The following AP3D1 variants were observed in gnomAD, a reference collection of about 807,000 sequenced individuals.
AP3D1 encodes the protein adaptor related protein complex 3 subunit delta 1.
In AP3D1, 51 loss-of-function variants were observed where a neutral mutation model predicts 147.6. That is an observed-to-expected ratio of 0.35 (90% CI 0.28 to 0.44). The LOEUF (loss-of-function observed/expected upper bound fraction) is 0.44, where lower values mean the gene tolerates loss of function less well. Ranked by LOEUF, AP3D1 falls within the 20% of genes least tolerant of loss-of-function variation. AP3D1 has a pLI of 1.00. For missense variants in AP3D1, 1,421 were observed against 1,624.2 expected, an observed-to-expected ratio of 0.87 and a Z score of 2.15; for synonymous variants, 760 against 663.0, an observed-to-expected ratio of 1.15 and a Z score of -2.25.
chr19:2,124,007 G>T, intron 9 of AP3D1, 128 bp from the exon 10 acceptor site: 1 of 1,077,842 alleles, frequency 9.3e-7, no homozygotes, highest in South Asian at 1.4e-5. Flanking sequence ...AAATGCCACT[G>T]AGTTTGGGAC....
At position 2,115,204 on chromosome 19, in the gene AP3D1, T is replaced by C. The variant is rs2145040013; in HGVS notation, c.2349+15A>G. Reference sequence around the variant, plus strand: ...AGATAGACATCCTAGGACCGGGACCTCCAGCGAGGCTGACCTCAGGCATCT... The same window carrying C: ...AGATAGACATCCTAGGACCGGGACCCCCAGCGAGGCTGACCTCAGGCATCT... On this transcript the variant is annotated intron_variant, in intron 20 of 31. Coordinates refer to ENST00000643116, the MANE Select transcript of AP3D1 (RefSeq NM_001261826.3). The C allele has an allele frequency of 6.2e-7, 1 of 1,609,062 alleles. No individual in the cohort carries two copies. Among genetic ancestry groups the C allele is most frequent in the Non-Finnish European group, 8.5e-7 (1 of 1,177,114 alleles).
At chr19:2,138,408 G>A (rs1430288780) in intron 2 of AP3D1, among the ~76,000 whole-genome samples, 2 of 152,232 alleles carry the variant, frequency 1.3e-5, no homozygotes, top group Non-Finnish European at 1.5e-5. Context: ...TACCACCAGG[G>A]CCTGTGGGTT....
chr19:2,149,992 A>G (rs1327577857), intron 1 of AP3D1, among the ~76,000 whole-genome samples: 1 of 152,210 alleles, frequency 6.6e-6, no homozygotes, highest in Non-Finnish European at 1.5e-5. Context: ...GAAGAAAACC[A>G]AGGAGGCCGA....
chr19:2,117,153 CTGTG>C, intron 16 of AP3D1, 65 bp downstream of exon 16: 1 of 1,508,890 alleles, frequency 6.6e-7, no homozygotes, highest in Admixed American at 2.2e-5. Flanking sequence ...GGAGCCCCCG[CTGTG>C]CCACCAGGCA....
chr19:2,118,552 C>T (rs1185200061), intron 15 of AP3D1, 49 bp downstream of exon 15: 1 of 1,555,024 alleles, frequency 6.4e-7, no homozygotes, highest in Non-Finnish European at 8.7e-7. Context: ...GACAGAAAGG[C>T]ACTGAGGGCT....
intron 31 of AP3D1, among the ~76,000 whole-genome samples, chr19:2,104,490 A>G (rs528599655): frequency 2.0e-5 from 3 of 148,774 alleles, no homozygotes; most frequent in East Asian, 2.0e-4. Flanking sequence ...AGACCCCAAC[A>G]CCAAGACACC....
At chr19:2,126,121 C>T (rs2018748261) in intron 9 of AP3D1, among the ~76,000 whole-genome samples, 1 of 149,350 alleles carries the variant, frequency 6.7e-6, no homozygotes, top group Admixed American at 6.6e-5. Flanking sequence ...CGGGGTCTCA[C>T]TCTGTCTGCA....
chr19:2,159,394 G>GA (rs1026163108), intron 1 of AP3D1, among the ~76,000 whole-genome samples: 4 of 123,182 alleles, frequency 3.2e-5, no homozygotes, highest in Non-Finnish European at 7.1e-5. Context: ...AATTTTTTTT[G>GA]TTTTTTTTTT....
At chr19:2,132,243 T>C (rs1055776885) in intron 5 of AP3D1, among the ~76,000 whole-genome samples, 1 of 152,208 alleles carries the variant, frequency 6.6e-6, no homozygotes, top group Admixed American at 6.5e-5. Flanking sequence ...GACACCCTGT[T>C]GCTCCTCTCG....
chr19:2,157,315 G>A (rs1192296191), intron 1 of AP3D1, among the ~76,000 whole-genome samples: 4 of 150,134 alleles, frequency 2.7e-5, no homozygotes, highest in Admixed American at 6.6e-5. Flanking sequence ...AGTGGCGGGC[G>A]CCTGTAGTCC....
At chr19:2,145,471 C>A (rs1414994893) in intron 1 of AP3D1, among the ~76,000 whole-genome samples, 2 of 152,188 alleles carry the variant, frequency 1.3e-5, no homozygotes, top group Admixed American at 6.5e-5. Flanking sequence ...GTGGTTGCCA[C>A]GACTTGCAGA....
Position 2,117,384 on chromosome 19 carries a change from G to A in AP3D1, c.1714-17C>T, listed in dbSNP as rs779352979. 3 of 1,574,862 alleles carry A rather than the reference G, an allele frequency of 1.9e-6. No homozygotes were observed. The highest frequency in any genetic ancestry group is 1.4e-5 in the African/African-American group (1 of 73,778). ...GCAGGACGCCTGTGGGGGACACAGG[G>A]GTCACTGCTGGCACCTGCCCGGAAG... On this transcript the variant is annotated splice_polypyrimidine_tract_variant and intron_variant, in intron 15 of 31. Coordinates refer to ENST00000643116, the MANE Select transcript of AP3D1 (RefSeq NM_001261826.3).
chr19:2,150,934 G>A (rs1283167388), intron 1 of AP3D1, among the ~76,000 whole-genome samples: 2 of 152,238 alleles, frequency 1.3e-5, no homozygotes, highest in Non-Finnish European at 2.9e-5. Flanking sequence ...CAGGGGGAGG[G>A]CACCTATAGG....
At position 2,117,355 on chromosome 19, in the gene AP3D1, G is replaced by A. The variant is rs762736222; in HGVS notation, c.1726C>T (p.Leu576=). Residue 576 remains leucine, a synonymous_variant, in exon 16 of 32, where the codon CTG becomes TTG. Transcript: ENST00000643116. ...LEVQERASCI[L]QLVKHIQKLQ... ...TTCTGGATGTGCTTGACCAGCTGCA[G>A]GATGCAGGACGCCTGTGGGGGACAC... The A allele has an allele frequency of 1.1e-5, 17 of 1,607,180 alleles. No individual in the cohort carries two copies. The highest frequency in any genetic ancestry group is 8.4e-5 in the Admixed American group (5 of 59,508).
chr19:2,118,941 C>A (rs1254742021), intron 14 of AP3D1, 109 bp from the exon 15 acceptor site: 7 of 1,036,680 alleles, frequency 6.8e-6, no homozygotes, highest in Non-Finnish European at 9.8e-6. Context: ...TGACTCTGGG[C>A]CCTTCCCATT....
At chr19:2,131,880 G>A (rs1251694906) in intron 5 of AP3D1, among the ~76,000 whole-genome samples, 1 of 152,098 alleles carries the variant, frequency 6.6e-6, no homozygotes, top group Admixed American at 6.5e-5. Flanking sequence ...ACACCTCCGG[G>A]CGGACAGGCA....
At position 2,129,324 on chromosome 19, in the gene AP3D1, G is replaced by A; in HGVS notation, c.726C>T (p.Ile242=). 6.2e-7 allele frequency: 1 copy of A among 1,613,948 alleles called. No individual in the cohort carries two copies. The highest frequency in any genetic ancestry group is 8.5e-7 in the Non-Finnish European group (1 of 1,180,030). Residue 242 remains isoleucine (I), a synonymous_variant, in exon 7 of 32, where the codon ATC becomes ATT. Coordinates refer to ENST00000643116, the MANE Select transcript of AP3D1 (RefSeq NM_001261826.3). The stretch of plus-strand genomic sequence containing the variant: ...ATTCCCGGGCAGTACTTGCCAGCTT[G>A]ATGATCTTGATGAGGACCCAGTTGT... ...STNNWVLIKI[I]KLFGALTPLE... is the part of the protein sequence containing the mutation.
rs752949334 is a variant in AP3D1 at position 2,109,114 on chromosome 19, C to T, written c.3444G>A (p.Ala1148=). Residue 1148 remains alanine (A), a synonymous_variant, in exon 30 of 32, where the codon GCG becomes GCA. Transcript: ENST00000643116. The part of the protein sequence containing the change: ...GIRMSFQNLL[A]KICFHHHFSV... ...AAAAATGGTGGTGAAAACAGATCTT[C>T]GCCAGAAGATTCTGGAAGGACATCC... The T allele has an allele frequency of 6.6e-5, 107 of 1,609,264 alleles. No individual in the cohort carries two copies. Among genetic ancestry groups the T allele is most frequent in the Middle Eastern group, 1.7e-4 (1 of 6,058 alleles).
rs534716655 is a variant in AP3D1, at chr19:2,103,525, C to T, written c.3553-1257G>A. ...CGGGGAAAGCCACCCCGTGAAGCTG[C>T]TCACGATCTGCTAGGCTCACTCCAT... On this transcript the variant is annotated intron_variant, in intron 31 of 31. Coordinates refer to ENST00000643116, the MANE Select transcript of AP3D1 (RefSeq NM_001261826.3). Among the ~76,000 whole-genome samples the T allele has an allele frequency of 1.9e-4, 29 of 152,342 alleles. No homozygotes were observed. In the East Asian group the frequency reaches 5.4e-3, roughly 28 times the overall value.
Sources: allele counts gnomAD v4.1 joint callset (sites outside exome capture counted in the v4.1 genomes callset), GRCh38; gene constraint gnomAD v4.1.1; transcripts MANE v1.5; gene names NCBI Gene and HGNC (gene_info 2026-07-23, HGNC 2026-07-21).